Variants in KCNH7 observed in about 807,000 individuals in gnomAD.
KCNH7 encodes voltage-gated inwardly rectifying potassium channel KCNH7.
A neutral mutation model predicts 120.8 loss-of-function variants in KCNH7; 49 were observed. That is an observed-to-expected ratio of 0.41 (90% CI 0.32 to 0.51). The LOEUF (loss-of-function observed/expected upper bound fraction) is 0.51. KCNH7 is among the 20% of genes least tolerant of loss of function. The pLI is 0.38. For missense variants in KCNH7, 1,097 were observed against 1,446.6 expected, an observed-to-expected ratio of 0.76 and a Z score of 3.92; for synonymous variants, 547 against 516.1, an observed-to-expected ratio of 1.06 and a Z score of -0.81.
chr2:162,433,902 C>T (rs1403871714), intron 8 of KCNH7, among the ~76,000 whole-genome samples: 1 of 152,092 alleles, frequency 6.6e-6, no homozygotes, highest in Admixed American at 6.6e-5. Context: ...AAAAATAAAT[C>T]GTTCTACCAA....
intron 2 of KCNH7, among the ~76,000 whole-genome samples, chr2:162,559,054 C>CAAAAAAAAAAAAAAAAAAAAAAACAAAAA (rs780823559): frequency 8.1e-5 from 3 of 37,176 alleles, no homozygotes; most frequent in East Asian, 7.2e-4. Flanking sequence ...GACTCTGCCT[C>CAAAAAAAAAAAAAAAAAAAAAAACAAAAA]AAAAAAAAAA....
chr2:162,741,230 C>T (rs893424070), intron 2 of KCNH7, among the ~76,000 whole-genome samples: 5 of 148,720 alleles, frequency 3.4e-5, no homozygotes, highest in Non-Finnish European at 7.4e-5. Flanking sequence ...ATTAGTTATA[C>T]ATATTAATAA....
chr2:162,737,339 TG>T (rs1311867923), intron 2 of KCNH7, among the ~76,000 whole-genome samples: 1 of 152,040 alleles, frequency 6.6e-6, no homozygotes, highest in Non-Finnish European at 1.5e-5. Context: ...AGAGTAGCCT[TG>T]CAAAACACAA....
chr2:162,395,936 A>C (rs1686901556), intron 11 of KCNH7, among the ~76,000 whole-genome samples: 1 of 151,748 alleles, frequency 6.6e-6, no homozygotes, highest in Admixed American at 6.6e-5. Context: ...GCAAGTATCA[A>C]TCACTCAATA....
intron 2 of KCNH7, among the ~76,000 whole-genome samples, chr2:162,751,897 CT>C (rs1688564363): frequency 6.6e-6 from 1 of 151,666 alleles, no homozygotes; most frequent in Non-Finnish European, 1.5e-5. Flanking sequence ...GAATATACCC[CT>C]ATAACTCACT....
chr2:162,519,775 C>G (rs1181102976), intron 3 of KCNH7, among the ~76,000 whole-genome samples: 1 of 151,762 alleles, frequency 6.6e-6, no homozygotes, highest in African/African-American at 2.4e-5. Flanking sequence ...GGTCAGTCAA[C>G]TTAAATCTTT....
intron 2 of KCNH7, among the ~76,000 whole-genome samples, chr2:162,557,573 T>C (rs1445889079): frequency 2.0e-5 from 3 of 152,176 alleles, no homozygotes; most frequent in Non-Finnish European, 4.4e-5. Flanking sequence ...CTGCAGCTGA[T>C]TAAAAAGCAA....
At chr2:162,535,936 T>A (rs1256094412) in intron 3 of KCNH7, among the ~76,000 whole-genome samples, 1 of 151,800 alleles carries the variant, frequency 6.6e-6, no homozygotes, top group Non-Finnish European at 1.5e-5. Context: ...TTTTAATAAA[T>A]AATGTTAGAA....
chr2:162,789,158 G>C (rs1683827184), intron 2 of KCNH7, among the ~76,000 whole-genome samples: 1 of 151,824 alleles, frequency 6.6e-6, no homozygotes, highest in African/African-American at 2.4e-5. Context: ...TAAAACAAAA[G>C]CAAACTAACA....
intron 2 of KCNH7, among the ~76,000 whole-genome samples, chr2:162,544,656 T>C (rs551615379): frequency 3.9e-5 from 6 of 152,272 alleles, no homozygotes; most frequent in African/African-American, 7.2e-5. Flanking sequence ...TTATAAGCAA[T>C]GGCTTGATAA....
chr2:162,379,994 C>G lies in KCNH7; in HGVS notation c.2990G>C (p.Arg997Pro), dbSNP rs765637882. 8 of 1,613,968 alleles carry G rather than the reference C, an allele frequency of 5.0e-6. No homozygotes were observed. In the East Asian group the frequency reaches 1.8e-4, roughly 36 times the overall value. ...KDITDMRSWERENAHPQPEDS... is the reference protein window; with the variant it reads ...KDITDMRSWEPENAHPQPEDS... ...TTCAGGCTGGGGATGTGCATTTTCT[C>G]GTTCCCAGCTTCGCATGTCAGTGAT... Residue 997 changes from arginine (R) to proline (P), a missense_variant, in exon 14 of 16, where the codon CGA (arginine) becomes CCA (proline). Physicochemically the swap from Arg to Pro is moderately radical, Grantham distance 103. Around this residue, in one of 8 missense-constraint regions of KCNH7, gnomAD observed 406 missense variants for 410.5 expected, o/e 0.99. Coordinates refer to ENST00000332142, the MANE Select transcript of KCNH7 (RefSeq NM_033272.4).
intron 2 of KCNH7, among the ~76,000 whole-genome samples, chr2:162,648,389 C>T (rs1182192561): frequency 6.6e-6 from 1 of 152,176 alleles, no homozygotes; most frequent in Non-Finnish European, 1.5e-5. Flanking sequence ...CCCCATGATT[C>T]AGTCACCTCC....
intron 2 of KCNH7, among the ~76,000 whole-genome samples, chr2:162,740,117 G>C (rs1688069183): frequency 6.6e-6 from 1 of 152,154 alleles, no homozygotes; most frequent in African/African-American, 2.4e-5. Context: ...AGTGAAAGAT[G>C]ATAATGTTAA....
chr2:162,426,170 C>T (rs1036499860), intron 8 of KCNH7, among the ~76,000 whole-genome samples: 6 of 147,704 alleles, frequency 4.1e-5, no homozygotes, highest in East Asian at 2.0e-4. Context: ...GCCAAGTTCA[C>T]GCCACTGCAC....
chr2:162,371,834 T>C lies in KCNH7; in HGVS notation c.3586A>G (p.Lys1196Glu), dbSNP rs746917781. ...RHVSDPGLPGK is the reference protein window; with the variant it reads ...RHVSDPGLPGE ...GAGTAAATAGTACAAAATGATTATT[T>C]CCCTGGAAGACCAGGATCAGAAACA... Residue 1196 changes from lysine to glutamate, a missense_variant, in exon 16 of 16, where the codon AAA (lysine) becomes GAA (glutamate). By Grantham distance (56) the Lys-to-Glu change is moderately conservative. Transcript: ENST00000332142. 6.2e-7 allele frequency: 1 copy of C among 1,607,502 alleles called. No homozygotes were observed. The highest frequency in any genetic ancestry group is 1.1e-5 in the South Asian group (1 of 90,966).
At chr2:162,647,969 G>A (rs1343258119) in intron 2 of KCNH7, among the ~76,000 whole-genome samples, 1 of 152,150 alleles carries the variant, frequency 6.6e-6, no homozygotes, top group East Asian at 1.9e-4. Context: ...AATCATAGGA[G>A]TTAGAATATA....
intron 2 of KCNH7, among the ~76,000 whole-genome samples, chr2:162,628,646 A>C (rs1254614537): frequency 1.3e-5 from 2 of 151,938 alleles, no homozygotes; most frequent in African/African-American, 4.8e-5. Flanking sequence ...CTATGTGCCC[A>C]TGTGGTCTCA....
intron 2 of KCNH7, among the ~76,000 whole-genome samples, chr2:162,745,748 AG>A (rs775920331): frequency 1.3e-5 from 2 of 152,096 alleles, no homozygotes; most frequent in Admixed American, 6.5e-5. Flanking sequence ...ATTTAAAAAA[AG>A]GTAATATATA....
At chr2:162,693,582 C>T (rs1465380326) in intron 2 of KCNH7, among the ~76,000 whole-genome samples, 3 of 152,142 alleles carry the variant, frequency 2.0e-5, no homozygotes, top group Non-Finnish European at 1.5e-5. Flanking sequence ...GACGTTAGCA[C>T]ATATATCCAG....
Sources: allele counts gnomAD v4.1 joint callset (sites outside exome capture counted in the v4.1 genomes callset), GRCh38; gene constraint gnomAD v4.1.1; regional missense constraint gnomAD v4.1.1; transcripts MANE v1.5; gene names NCBI Gene and HGNC (gene_info 2026-07-23, HGNC 2026-07-21).